ABR: variants seen among roughly 807,000 people sequenced by gnomAD.
The protein encoded by ABR is active breakpoint cluster region-related protein.
A neutral mutation model predicts 107.2 loss-of-function variants in ABR; 35 were observed. The observed-to-expected ratio is 0.33, with a 90% CI of 0.25 to 0.43. ABR has a LOEUF of 0.43. ABR is among the 20% of genes least tolerant of loss of function. ABR has a pLI of 1.00. For missense variants in ABR, 815 were observed against 1,115.2 expected (o/e 0.73, Z 3.83); for synonymous variants, 498 against 462.0 (o/e 1.08, Z -1.00).
At chr17:1,159,314 GAAGTA>G in intron 1 of ABR, among the ~76,000 whole-genome samples, 1 of 88,032 alleles carries the variant, frequency 1.1e-5, no homozygotes, top group South Asian at 4.2e-4. Context: ...ACACACAAGG[GAAGTA>G]AGAATGCAGT....
intron 16 of ABR, among the ~76,000 whole-genome samples, chr17:1,038,299 G>T (rs1331027653): frequency 6.6e-6 from 1 of 152,198 alleles, no homozygotes; most frequent in Admixed American, 6.5e-5. Flanking sequence ...GGTGGGGGAC[G>T]TGGGGGTCTG....
rs920306856 is a variant in ABR, at chr17:1,070,815, G to T, written c.895-725C>A. On this transcript the variant is annotated intron_variant, in intron 8 of 22. Transcript: ENST00000302538. The surrounding 1 kb of genome is among the most constrained non-coding windows in gnomAD (Gnocchi z 4.2). ...TGCCAGCCTTTCCTGTATGATACAC[G>T]GTGTGACCTACATCTGCTGTAATAC... Among the ~76,000 whole-genome samples, 6 of 152,142 alleles carry T rather than the reference G, an allele frequency of 3.9e-5. No individual in the cohort carries two copies. Among genetic ancestry groups the T allele is most frequent in the Non-Finnish European group, 8.8e-5 (6 of 68,032 alleles).
chr17:1,109,132 G>GAGGAGGGAGGAGGC, intron 2 of ABR: 1 of 1,505,344 alleles, frequency 6.6e-7, no homozygotes, highest in Non-Finnish European at 8.9e-7. Context: ...CGGGAGGAGG[G>GAGGAGGGAGGAGGC]AGGAGGGAGG....
intron 16 of ABR, among the ~76,000 whole-genome samples, chr17:1,024,035 A>AAAAAAAAAAAAAAAC (rs2071957373): frequency 6.8e-6 from 1 of 147,782 alleles, no homozygotes; most frequent in Non-Finnish European, 1.5e-5. Flanking sequence ...AAAAAAAAAA[A>AAAAAAAAAAAAAAAC]AAAAAAAAAA....
intron 1 of ABR, among the ~76,000 whole-genome samples, chr17:1,199,568 C>A (rs1256872999): frequency 6.6e-6 from 1 of 151,284 alleles, no homozygotes; most frequent in Non-Finnish European, 1.5e-5. Flanking sequence ...CCTGCCTCAG[C>A]CTCCCAAGTA....
chr17:1,111,850 G>C (rs564520770), intron 2 of ABR, among the ~76,000 whole-genome samples: 32 of 152,284 alleles, frequency 2.1e-4, no homozygotes, highest in African/African-American at 7.7e-4. Flanking sequence ...TCTAGGTCTA[G>C]CACCTGCCCC....
chr17:1,143,390 A>G (rs1555602267), intron 1 of ABR, among the ~76,000 whole-genome samples: 8 of 7,006 alleles, frequency 1.1e-3, no homozygotes, highest in African/African-American at 2.4e-3. Flanking sequence ...TTCCTGGGGG[A>G]CAGCTCGCTC....
At chr17:1,185,276 C>T (rs576709002) in intron 1 of ABR, among the ~76,000 whole-genome samples, 24 of 152,268 alleles carry the variant, frequency 1.6e-4, no homozygotes, top group African/African-American at 3.9e-4. Context: ...ATGCCAGTCC[C>T]GGCCAAACCC....
Position 1,070,143 on chromosome 17 carries a change from G to A in ABR, c.895-53C>T. The A allele has an allele frequency of 1.2e-6, 2 of 1,606,800 alleles. No individual in the cohort carries two copies. Among genetic ancestry groups the A allele is most frequent in the Non-Finnish European group, 1.7e-6 (2 of 1,176,582 alleles). ...TGCTCAGAGGGGAATGCGGCCGAGG[G>A]CAGAGCCTGCACACGGGGGCACGGC... On this transcript the variant is annotated intron_variant, in intron 8 of 22. Coordinates refer to ENST00000302538, the MANE Select transcript of ABR (RefSeq NM_021962.5). This position sits in a 1 kb window ranked among gnomAD's most constrained non-coding sequence, Gnocchi z 4.2.
chr17:1,103,612 G>T (rs2038055263), intron 2 of ABR, among the ~76,000 whole-genome samples: 1 of 152,120 alleles, frequency 6.6e-6, no homozygotes, highest in African/African-American at 2.4e-5. Flanking sequence ...GCCCATTTCT[G>T]CAAGATCCTC....
chr17:1,022,031 C>T (rs1362135162), intron 16 of ABR, among the ~76,000 whole-genome samples: 7 of 142,224 alleles, frequency 4.9e-5, no homozygotes, highest in Admixed American at 1.5e-4. Context: ...CACTTGAACC[C>T]GGGAGGCAGG....
intron 16 of ABR, among the ~76,000 whole-genome samples, chr17:1,036,650 C>G (rs569891090): frequency 0.019 from 2,917 of 152,104 alleles, 94 homozygotes; most frequent in African/African-American, 0.066. Flanking sequence ...AGCGCCCACA[C>G]AGGGCGTGCG....
chr17:1,116,919 C>T (rs1445722550), intron 2 of ABR, among the ~76,000 whole-genome samples: 2 of 152,148 alleles, frequency 1.3e-5, no homozygotes, highest in African/African-American at 4.8e-5. Context: ...CTCGAGGAGT[C>T]CCTGAACCAC....
chr17:1,190,657 A>G (rs1304623052), upstream of ABR, among the ~76,000 whole-genome samples: 1 of 151,784 alleles, frequency 6.6e-6, no homozygotes, highest in Non-Finnish European at 1.5e-5. Flanking sequence ...CACACACAAA[A>G]AAACTTATGT....
At chr17:1,067,914 TTTA>T (rs540361791) in intron 9 of ABR, among the ~76,000 whole-genome samples, 15 of 152,336 alleles carry the variant, frequency 9.8e-5, no homozygotes, top group South Asian at 8.3e-4. Context: ...AGTCATGTCC[TTTA>T]TTATTATTAT....
chr17:1,145,751 G>A (rs1015505276), intron 1 of ABR, among the ~76,000 whole-genome samples: 1 of 152,218 alleles, frequency 6.6e-6, no homozygotes, highest in African/African-American at 2.4e-5. Context: ...GGACCAGGAT[G>A]CACGACCCCT....
intron 1 of ABR, among the ~76,000 whole-genome samples, chr17:1,221,817 G>A (rs1159828132): frequency 6.6e-6 from 1 of 152,196 alleles, no homozygotes; most frequent in Non-Finnish European, 1.5e-5. Context: ...GGCTTGACGG[G>A]GAAGCATCAG....
Position 1,179,282 on chromosome 17 carries a change from C to G in ABR, c.61+385G>C, listed in dbSNP as rs1023526477. Among the ~76,000 whole-genome samples the G allele has an allele frequency of 6.6e-6, 1 of 151,766 alleles. No individual in the cohort carries two copies. Among genetic ancestry groups the G allele is most frequent in the African/African-American group, 2.4e-5 (1 of 41,340 alleles). ...GCTTCAGCCTGGACAGAGAAGCTGC[C>G]GGTCCAGGGGCGGGGGCAGCACCCA... is the stretch of plus-strand genomic sequence containing the variant. On this transcript the variant is annotated intron_variant, in intron 1 of 22. Transcript: ENST00000302538. The surrounding 1 kb of genome is among the most constrained non-coding windows in gnomAD (Gnocchi z 4.9).
chr17:1,181,236 A>G (rs1379832769), upstream of ABR, among the ~76,000 whole-genome samples: 1 of 152,186 alleles, frequency 6.6e-6, no homozygotes. Context: ...TAAGGGGAGA[A>G]GCAGCTCCTC....
Sources: allele counts gnomAD v4.1 joint callset (sites outside exome capture counted in the v4.1 genomes callset), GRCh38; gene constraint gnomAD v4.1.1; non-coding constraint Gnocchi (gnomAD v3.1); transcripts MANE v1.5; gene names NCBI Gene and HGNC (gene_info 2026-07-23, HGNC 2026-07-21).